CAB39: variants seen among roughly 807,000 people sequenced by gnomAD.
CAB39 encodes the protein calcium-binding protein 39.
CAB39 carries 8 observed loss-of-function variants against 40.0 expected under a neutral mutation model. The ratio of observed to expected loss-of-function variants is 0.20; its 90% CI spans 0.12 to 0.36. The LOEUF (loss-of-function observed/expected upper bound fraction) is 0.36, where lower values mean the gene tolerates loss of function less well. Ranked by LOEUF, CAB39 falls within the 10% of genes least tolerant of loss-of-function variation. CAB39 has a pLI of 1.00. For missense variants in CAB39, 270 were observed against 401.1 expected, an observed-to-expected ratio of 0.67 and a Z score of 2.79; for synonymous variants, 156 against 141.6, an observed-to-expected ratio of 1.10 and a Z score of -0.72.
chr2:230,757,072 A>G (rs1240401867), intron 1 of CAB39, among the ~76,000 whole-genome samples: 1 of 151,956 alleles, frequency 6.6e-6, no homozygotes, highest in Non-Finnish European at 1.5e-5. Context: ...GAGGAATGTC[A>G]CTTCTTGTTT....
At chr2:230,782,311 G>GC (rs1444000363) in intron 2 of CAB39, among the ~76,000 whole-genome samples, 1 of 151,790 alleles carries the variant, frequency 6.6e-6, no homozygotes, top group African/African-American at 2.4e-5. Flanking sequence ...TGTTTAATCA[G>GC]CTTATAATTG....
intron 1 of CAB39, among the ~76,000 whole-genome samples, chr2:230,732,731 AG>A (rs369863453): frequency 1.8e-3 from 278 of 152,330 alleles, no homozygotes; most frequent in African/African-American, 6.2e-3. Flanking sequence ...CTGATTATTC[AG>A]CAATGAGAGC....
chr2:230,797,663 G>T (rs1382172535), intron 4 of CAB39, among the ~76,000 whole-genome samples: 1 of 152,174 alleles, frequency 6.6e-6, no homozygotes, highest in Non-Finnish European at 1.5e-5. Flanking sequence ...GGTGGGGTTA[G>T]TAGTCATGGT....
chr2:230,760,636 C>T (rs567413891), intron 2 of CAB39, among the ~76,000 whole-genome samples: 1 of 152,336 alleles, frequency 6.6e-6, no homozygotes, highest in East Asian at 1.9e-4. Flanking sequence ...GAAATCGGTT[C>T]TTCCCCCACA....
chr2:230,725,658 A>G (rs982487383), intron 1 of CAB39, among the ~76,000 whole-genome samples: 2 of 152,154 alleles, frequency 1.3e-5, no homozygotes, highest in African/African-American at 2.4e-5. Context: ...TGCTGCCTCT[A>G]CCACATGATA....
chr2:230,775,651 T>G (rs1411219882), intron 2 of CAB39, among the ~76,000 whole-genome samples: 4 of 152,174 alleles, frequency 2.6e-5, no homozygotes, highest in African/African-American at 9.7e-5. Flanking sequence ...CAAAATTATT[T>G]CTAAAAAGAT....
intron 1 of CAB39, among the ~76,000 whole-genome samples, chr2:230,756,251 T>G (rs763139743): frequency 2.6e-5 from 4 of 152,244 alleles, no homozygotes; most frequent in African/African-American, 9.6e-5. Context: ...CTAGATAGTA[T>G]AGTCAACTAC....
At chr2:230,742,238 G>T (rs188431178) in intron 1 of CAB39, among the ~76,000 whole-genome samples, 1 of 151,954 alleles carries the variant, frequency 6.6e-6, no homozygotes, top group Admixed American at 6.6e-5. Flanking sequence ...GCAGTGGTGC[G>T]ATCTTGGCTC....
chr2:230,752,312 A>G (rs1243836297), intron 1 of CAB39: 2 of 152,124 alleles, frequency 1.3e-5, no homozygotes, highest in Non-Finnish European at 2.9e-5. Flanking sequence ...ATCTCACACA[A>G]CATCTCTGTC....
At chr2:230,762,449 G>T (rs1473683831) in intron 2 of CAB39, among the ~76,000 whole-genome samples, 3 of 152,166 alleles carry the variant, frequency 2.0e-5, no homozygotes, top group Admixed American at 1.3e-4. Flanking sequence ...AGTCCTGATA[G>T]CCCTACAGGC....
At chr2:230,743,486 G>A (rs1377986909) in intron 1 of CAB39, among the ~76,000 whole-genome samples, 2 of 152,088 alleles carry the variant, frequency 1.3e-5, no homozygotes, top group African/African-American at 4.8e-5. Flanking sequence ...TTAATCTAAA[G>A]GACATTATTA....
At chr2:230,730,767 T>C (rs538359146) in intron 1 of CAB39, among the ~76,000 whole-genome samples, 39 of 152,194 alleles carry the variant, frequency 2.6e-4, no homozygotes, top group African/African-American at 8.7e-4. Flanking sequence ...TGAATATCCA[T>C]TGGATGAAAA....
At chr2:230,795,405 A>G (rs1165780022) in intron 4 of CAB39, among the ~76,000 whole-genome samples, 1 of 152,218 alleles carries the variant, frequency 6.6e-6, no homozygotes, top group Admixed American at 6.5e-5. Context: ...TGTTTTGTAG[A>G]AAAATCATAT....
At chr2:230,740,958 A>C (rs939123235) in intron 1 of CAB39, among the ~76,000 whole-genome samples, 1 of 152,222 alleles carries the variant, frequency 6.6e-6, no homozygotes, top group African/African-American at 2.4e-5. Flanking sequence ...ACATAATTTA[A>C]GATCACATTT....
intron 1 of CAB39, among the ~76,000 whole-genome samples, chr2:230,714,717 T>G (rs1267085554): frequency 6.6e-6 from 1 of 152,248 alleles, no homozygotes; most frequent in African/African-American, 2.4e-5. Context: ...AAACTTTGTT[T>G]TTATATTTTA....
At chr2:230,753,727 G>A (rs1392511097) in intron 1 of CAB39, among the ~76,000 whole-genome samples, 2 of 138,278 alleles carry the variant, frequency 1.4e-5, no homozygotes, top group East Asian at 2.0e-4. Context: ...CTGAGTGACA[G>A]AGCAAGACTC....
intron 5 of CAB39, among the ~76,000 whole-genome samples, chr2:230,802,614 A>C (rs1164255232): frequency 2.6e-5 from 4 of 152,244 alleles, no homozygotes; most frequent in African/African-American, 9.6e-5. Context: ...CTACCATCAG[A>C]GAATACCATA....
intron 1 of CAB39, among the ~76,000 whole-genome samples, chr2:230,727,401 T>TGTGTGTGTGTGTGTG (rs1491396666): frequency 6.2e-5 from 9 of 144,166 alleles, no homozygotes; most frequent in African/African-American, 2.1e-4. Context: ...TGTGTGTGTA[T>TGTGTGTGTGTGTGTG]TTTTTTTTCT....
chr2:230,780,979 G>A (rs1438667196), intron 2 of CAB39, among the ~76,000 whole-genome samples: 4 of 152,068 alleles, frequency 2.6e-5, no homozygotes, highest in African/African-American at 7.3e-5. Context: ...CTACTCGGGA[G>A]GCTGAGGTGG....
Sources: allele counts gnomAD v4.1 joint callset (sites outside exome capture counted in the v4.1 genomes callset), GRCh38; gene constraint gnomAD v4.1.1; transcripts MANE v1.5; gene names NCBI Gene and HGNC (gene_info 2026-07-23, HGNC 2026-07-21).